USH2A: variants seen among roughly 807,000 people sequenced by gnomAD.
USH2A encodes Usher syndrome 2A (autosomal recessive, mild).
USH2A carries 443 observed loss-of-function variants against 538.9 expected under a neutral mutation model. The observed-to-expected ratio is 0.82, with a 90% CI of 0.76 to 0.89. The LOEUF (loss-of-function observed/expected upper bound fraction) is 0.89. Among genes scored for constraint, USH2A ranks in the 40% least tolerant of loss-of-function variants. The pLI, the probability that USH2A is intolerant of heterozygous loss-of-function variation, is 0.00. For missense variants in USH2A, 6,633 were observed against 6,324.8 expected (o/e 1.05, Z -1.65); for synonymous variants, 2,413 against 2,273.5 (o/e 1.06, Z -1.75).
chr1:215,889,291 G>A (rs1055277011), intron 40 of USH2A, among the ~76,000 whole-genome samples: 14 of 152,224 alleles, frequency 9.2e-5, no homozygotes, highest in Non-Finnish European at 1.6e-4. Context: ...TCCTCTCTAA[G>A]ACAGCTTTAT....
At chr1:216,313,129 C>A (rs2102639891) in intron 9 of USH2A, among the ~76,000 whole-genome samples, 1 of 152,298 alleles carries the variant, frequency 6.6e-6, no homozygotes, top group South Asian at 2.1e-4. Flanking sequence ...AGAAGGAGTG[C>A]ACAACCTAAA....
chr1:215,704,030 A>T (rs938182383), intron 61 of USH2A, among the ~76,000 whole-genome samples: 6 of 152,174 alleles, frequency 3.9e-5, no homozygotes, highest in Non-Finnish European at 7.3e-5. Flanking sequence ...ACAGTCGTTC[A>T]TGGCACAGTC....
chr1:216,373,610 A>T (rs1302877857), intron 3 of USH2A, among the ~76,000 whole-genome samples: 1 of 152,212 alleles, frequency 6.6e-6, no homozygotes, highest in Non-Finnish European at 1.5e-5. Flanking sequence ...TGCTACAAAA[A>T]GACATTCTTT....
At chr1:216,274,463 T>G (rs1168007016) in intron 11 of USH2A, among the ~76,000 whole-genome samples, 3 of 152,158 alleles carry the variant, frequency 2.0e-5, no homozygotes, top group Non-Finnish European at 4.4e-5. Flanking sequence ...ATGTGGATTC[T>G]GAGACTTACC....
At chr1:215,859,609 C>T (rs748745987) in intron 44 of USH2A, among the ~76,000 whole-genome samples, 22 of 152,022 alleles carry the variant, frequency 1.4e-4, no homozygotes, top group South Asian at 2.1e-4. Context: ...GGATTCTGCA[C>T]GGCTGACTGC....
intron 64 of USH2A, among the ~76,000 whole-genome samples, chr1:215,652,004 C>T (rs1657098440): frequency 6.6e-6 from 1 of 152,218 alleles, no homozygotes; most frequent in Non-Finnish European, 1.5e-5. Context: ...GACAACTAAC[C>T]TACTTACATA....
At chr1:215,896,034 G>A (rs957105736) in intron 40 of USH2A, among the ~76,000 whole-genome samples, 9 of 152,300 alleles carry the variant, frequency 5.9e-5, no homozygotes, top group African/African-American at 2.2e-4. Flanking sequence ...CGTCATATAT[G>A]TGGTTCATCA....
intron 11 of USH2A, among the ~76,000 whole-genome samples, chr1:216,259,172 G>C (rs1439900697): frequency 6.6e-6 from 1 of 152,054 alleles, no homozygotes; most frequent in African/African-American, 2.4e-5. Context: ...AAACATAGCA[G>C]AATTTGGATG....
intron 20 of USH2A, among the ~76,000 whole-genome samples, chr1:216,184,817 T>A (rs1458637687): frequency 1.3e-5 from 2 of 151,964 alleles, no homozygotes; most frequent in African/African-American, 4.8e-5. Flanking sequence ...CAATGTGTGT[T>A]TTCAACCCAG....
chr1:216,273,151 C>T (rs982901342), intron 11 of USH2A, among the ~76,000 whole-genome samples: 3 of 152,070 alleles, frequency 2.0e-5, no homozygotes, highest in African/African-American at 7.2e-5. Flanking sequence ...TAGGAGAAAG[C>T]AGATGATAGT....
rs1208328018 is a variant in USH2A at position 215,919,444 on chromosome 1, C to A, written c.7300+15172G>T. Among the ~76,000 whole-genome samples, 3 of 152,000 alleles carry A rather than the reference C, an allele frequency of 2.0e-5. No homozygotes were observed. In the East Asian group the frequency reaches 5.8e-4, roughly 29 times the overall value. ...AGTAAAGCAGACTCTGATTGTATAA[C>A]TTGCCGAAGCTCTTACAGCTAGTAG... On this transcript the variant is annotated intron_variant, in intron 38 of 71. Transcript: ENST00000307340.
At chr1:215,646,846 A>AT (rs1404986566) in intron 67 of USH2A, among the ~76,000 whole-genome samples, 5 of 151,962 alleles carry the variant, frequency 3.3e-5, no homozygotes, top group Non-Finnish European at 4.4e-5. Flanking sequence ...TTTATATCAG[A>AT]TTTTTTCTGT....
Position 215,675,547 on chromosome 1 carries a change from G to A in USH2A, c.12364C>T (p.Leu4122=), listed in dbSNP as rs1657994575. 6.2e-7 allele frequency: 1 copy of A among 1,614,098 alleles called. No individual in the cohort carries two copies. Among genetic ancestry groups the A allele is most frequent in the East Asian group, 2.2e-5 (1 of 44,856 alleles). Residue 4122 remains leucine (L), a synonymous_variant, in exon 63 of 72, where the codon CTG becomes TTG. Transcript: ENST00000307340. The part of the protein sequence containing the change: ...GLNRQFLFRR[L]DPFTLYTLTL... ...AGTGTGTAGAGAGTGAAAGGATCCAGGCGGCGGAAGAGAAACTGACGATTC... is the reference window on the plus strand; with the variant it reads ...AGTGTGTAGAGAGTGAAAGGATCCAAGCGGCGGAAGAGAAACTGACGATTC...
intron 21 of USH2A, among the ~76,000 whole-genome samples, chr1:216,129,041 T>A (rs1222752770): frequency 1.3e-5 from 2 of 152,094 alleles, no homozygotes; most frequent in Non-Finnish European, 1.5e-5. Context: ...TCACTTAACA[T>A]AATGTCCTTC....
intron 3 of USH2A, among the ~76,000 whole-genome samples, chr1:216,410,568 A>G (rs1162350827): frequency 6.6e-6 from 1 of 152,112 alleles, no homozygotes; most frequent in Admixed American, 6.6e-5. Flanking sequence ...GAAGACATAA[A>G]GGGATATGGA....
rs371777049 is a variant in USH2A, at chr1:216,325,540, C to T, written c.908G>A (p.Arg303His). The T allele has an allele frequency of 4.5e-5, 72 of 1,613,330 alleles. No individual in the cohort carries two copies. The highest frequency in any genetic ancestry group is 1.6e-4 in the Middle Eastern group (1 of 6,076). ...GACCCGCGGGTGGCTGCCAGGGCAA[C>T]GGCAATGTGATTGGGCATGCAATCT... ...LLRLHAQSHCRCPGSHPRVHP... is the reference protein window; with the variant it reads ...LLRLHAQSHCHCPGSHPRVHP... The change falls in exon 6 of 72, where the codon CGT (arginine) becomes CAT (histidine). Residue 303 changes from arginine to histidine, a missense_variant. Transcript: ENST00000307340.
intron 55 of USH2A, among the ~76,000 whole-genome samples, chr1:215,775,651 A>C (rs1214745053): frequency 6.6e-6 from 1 of 152,230 alleles, no homozygotes; most frequent in Non-Finnish European, 1.5e-5. Flanking sequence ...AGAGTTATCT[A>C]AAAATAAAAT....
At chr1:215,955,137 T>G (rs1191122354) in intron 37 of USH2A, among the ~76,000 whole-genome samples, 1 of 152,198 alleles carries the variant, frequency 6.6e-6, no homozygotes, top group East Asian at 1.9e-4. Context: ...TATTTCTATA[T>G]GATTACTTGG....
In USH2A at chr1:215,657,536, G is replaced by A. The variant is rs941273382; in HGVS notation, c.14134-6735C>T. 3.3e-4 allele frequency among the ~76,000 whole-genome samples: 50 copies of A among 152,204 alleles called. 1 individual carries two copies. Among genetic ancestry groups the A allele is most frequent in the Non-Finnish European group, 1.3e-4 (9 of 68,038 alleles). On this transcript the variant is annotated intron_variant, in intron 64 of 71. Transcript: ENST00000307340. ...GATTTTCTTTCACCATCAAATGGAT[G>A]TTTTCCAGCATCTCTATCTGCATAG...
Sources: allele counts gnomAD v4.1 joint callset (sites outside exome capture counted in the v4.1 genomes callset), GRCh38; gene constraint gnomAD v4.1.1; transcripts MANE v1.5; gene names NCBI Gene and HGNC (gene_info 2026-07-23, HGNC 2026-07-21).